The following GAS7 variants were observed in gnomAD, a reference collection of about 807,000 sequenced individuals.
GAS7 encodes growth arrest-specific protein 7.
Under a neutral mutation model 71.1 loss-of-function variants are expected in GAS7, and 28 were observed. That is an observed-to-expected ratio of 0.39 (90% CI 0.29 to 0.54). The LOEUF (loss-of-function observed/expected upper bound fraction) is 0.54. Ranked by LOEUF, GAS7 falls within the 20% of genes least tolerant of loss-of-function variation. GAS7 has a pLI of 0.62. For synonymous variants in GAS7, 258 were observed against 245.8 expected, an observed-to-expected ratio of 1.05 and a Z score of -0.46; for missense variants, 436 against 627.8, an observed-to-expected ratio of 0.69 and a Z score of 3.27.
At chr17:9,993,911 G>A (rs886588969) in intron 2 of GAS7, among the ~76,000 whole-genome samples, 1 of 152,136 alleles carries the variant, frequency 6.6e-6, no homozygotes, top group Non-Finnish European at 1.5e-5. Flanking sequence ...GCCAAATTAT[G>A]AATGAACTCC....
intron 1 of GAS7, among the ~76,000 whole-genome samples, chr17:10,176,570 A>G (rs1338656886): frequency 6.6e-6 from 1 of 152,172 alleles, no homozygotes; most frequent in East Asian, 1.9e-4. Flanking sequence ...TTACATGAAC[A>G]TTGCAAGGCC....
chr17:10,049,196 C>T (rs1359735803), intron 1 of GAS7, among the ~76,000 whole-genome samples: 1 of 152,210 alleles, frequency 6.6e-6, no homozygotes, highest in Admixed American at 6.5e-5. Context: ...ATGTAAGGCA[C>T]CACAGTGGCC....
rs114943236 is a variant in GAS7, at chr17:10,086,511, C to T, written c.184-66614G>A. 5.6e-3 allele frequency among the ~76,000 whole-genome samples: 855 copies of T among 152,260 alleles called. 11 individuals are homozygous for T. The highest frequency in any genetic ancestry group is 0.019 in the African/African-American group (788 of 41,532). On this transcript the variant is annotated intron_variant, in intron 1 of 13. Coordinates refer to ENST00000432992, the MANE Select transcript of GAS7 (RefSeq NM_201433.2). ...AATCTGGGTTTGTTCTGGGCTTCCTCAATCGGCAGAAAGAATGGTGACAGA... is the reference window on the plus strand; with the variant it reads ...AATCTGGGTTTGTTCTGGGCTTCCTTAATCGGCAGAAAGAATGGTGACAGA...
At chr17:10,049,184 C>T (rs2073026171) in intron 1 of GAS7, among the ~76,000 whole-genome samples, 1 of 152,194 alleles carries the variant, frequency 6.6e-6, no homozygotes, top group South Asian at 2.1e-4. Context: ...CAACACTGTG[C>T]TATGTAAGGC....
Position 10,034,313 on chromosome 17 carries a change from T to TTA in GAS7, c.184-14417_184-14416insTA. The TTA allele has an allele frequency of 1.5e-6, 1 of 680,754 alleles. No homozygotes were observed. Among genetic ancestry groups the TTA allele is most frequent in the Non-Finnish European group, 1.8e-6 (1 of 561,430 alleles). The allele number at this position is 680,754 out of a possible 1,614,324, so 42.2% of individuals were successfully genotyped here. On this transcript the variant is annotated intron_variant, in intron 1 of 13. Transcript: ENST00000432992. This position sits in a 1 kb window ranked among gnomAD's most constrained non-coding sequence, Gnocchi z 4.4. The stretch of plus-strand genomic sequence containing the variant: ...ATATATATAGCCTAATACTTAATAA[T>TTA]TCTTTTTTTTTTTTTTAGACAGTCT...
intron 1 of GAS7, among the ~76,000 whole-genome samples, chr17:10,125,802 C>A (rs1366777821): frequency 6.6e-6 from 1 of 151,990 alleles, no homozygotes; most frequent in African/African-American, 2.4e-5. Context: ...TGAAAACATC[C>A]GGAAAATATT....
chr17:9,997,040 G>A (rs1226641318), intron 2 of GAS7, among the ~76,000 whole-genome samples: 1 of 152,060 alleles, frequency 6.6e-6, no homozygotes, highest in Non-Finnish European at 1.5e-5. Flanking sequence ...GACAGACCAA[G>A]GGGAAAAAGA....
intron 1 of GAS7, among the ~76,000 whole-genome samples, chr17:10,156,642 C>T (rs1179761714): frequency 6.6e-6 from 1 of 152,144 alleles, no homozygotes; most frequent in Admixed American, 6.5e-5. Flanking sequence ...AATTTGGCCA[C>T]TGAAAGTCAT....
intron 1 of GAS7, among the ~76,000 whole-genome samples, chr17:10,090,067 G>T (rs2073565480): frequency 6.6e-6 from 1 of 152,064 alleles, no homozygotes; most frequent in Admixed American, 6.5e-5. Context: ...TACTCGGGAG[G>T]CTGAGACAGG....
rs1227834535 is a variant in GAS7 at position 9,919,909 on chromosome 17, T to C, written c.1139-204A>G. Among the ~76,000 whole-genome samples the C allele has an allele frequency of 6.6e-6, 1 of 151,528 alleles. No homozygotes were observed. Among genetic ancestry groups the C allele is most frequent in the Non-Finnish European group, 1.5e-5 (1 of 67,938 alleles). ...CAACCCAGCCCCATGAGAACCCAGCTCAGGTGTCCCCCTGAAGCCTGACCC... is the reference window on the plus strand; with the variant it reads ...CAACCCAGCCCCATGAGAACCCAGCCCAGGTGTCCCCCTGAAGCCTGACCC... On this transcript the variant is annotated intron_variant, in intron 11 of 13. Coordinates refer to ENST00000432992, the MANE Select transcript of GAS7 (RefSeq NM_201433.2). This position sits in a 1 kb window ranked among gnomAD's most constrained non-coding sequence, Gnocchi z 5.0.
intron 1 of GAS7, among the ~76,000 whole-genome samples, chr17:10,192,353 A>T (rs1218429219): frequency 1.3e-5 from 2 of 152,220 alleles, no homozygotes; most frequent in African/African-American, 4.8e-5. Context: ...GTAATAAGAC[A>T]GCACAGTCCC....
intron 5 of GAS7, among the ~76,000 whole-genome samples, chr17:9,947,232 A>G (rs1386606163): frequency 1.3e-5 from 2 of 152,192 alleles, no homozygotes; most frequent in Non-Finnish European, 2.9e-5. Context: ...TGCAAACTTC[A>G]GGTGCCTTTG....
At chr17:10,141,171 C>T (rs532705782) in intron 1 of GAS7, among the ~76,000 whole-genome samples, 7 of 152,316 alleles carry the variant, frequency 4.6e-5, no homozygotes, top group Admixed American at 6.5e-5. Context: ...GCTTAGGGGC[C>T]GGGCGCGGTG....
chr17:10,076,760 G>C (rs986031118), intron 1 of GAS7, among the ~76,000 whole-genome samples: 14 of 152,162 alleles, frequency 9.2e-5, no homozygotes, highest in Non-Finnish European at 1.5e-4. Context: ...GAGCTGAACT[G>C]TCTCTTCCTG....
At chr17:10,181,047 C>T (rs1414656245) in intron 1 of GAS7, among the ~76,000 whole-genome samples, 14 of 40,626 alleles carry the variant, frequency 3.4e-4, no homozygotes, top group African/African-American at 1.3e-3. Flanking sequence ...ATGAGGGTGG[C>T]GGGGGGTGGG....
At chr17:10,087,919 A>G (rs1221374463) in intron 1 of GAS7, among the ~76,000 whole-genome samples, 1 of 152,184 alleles carries the variant, frequency 6.6e-6, no homozygotes, top group Non-Finnish European at 1.5e-5. Flanking sequence ...TCCTCGCTCC[A>G]GCCAGGGAAG....
intron 4 of GAS7, among the ~76,000 whole-genome samples, chr17:9,964,931 A>G (rs12941234): frequency 0.21 from 32,379 of 152,070 alleles, 3,651 homozygotes; most frequent in Middle Eastern, 0.29. Context: ...CCATGCTCCA[A>G]TGGGTCCCTC....
intron 2 of GAS7, among the ~76,000 whole-genome samples, chr17:10,009,628 C>T (rs1312472835): frequency 3.5e-5 from 5 of 144,884 alleles, no homozygotes; most frequent in South Asian, 2.2e-4. Flanking sequence ...TGCTTGAGCC[C>T]GGAGTTCAAG....
intron 1 of GAS7, among the ~76,000 whole-genome samples, chr17:10,149,485 G>T (rs573171303): frequency 1.3e-5 from 2 of 152,254 alleles, no homozygotes; most frequent in African/African-American, 4.8e-5. Context: ...ATATTTTTGT[G>T]ACTTTCCATC....
Sources: allele counts gnomAD v4.1 joint callset (sites outside exome capture counted in the v4.1 genomes callset), GRCh38; gene constraint gnomAD v4.1.1; non-coding constraint Gnocchi (gnomAD v3.1); transcripts MANE v1.5; gene names NCBI Gene and HGNC (gene_info 2026-07-23, HGNC 2026-07-21).